Variants in KCNQ3 observed in about 807,000 individuals in gnomAD.
The protein encoded by KCNQ3 is potassium voltage-gated channel subfamily Q member 3.
Under a neutral mutation model 92.5 loss-of-function variants are expected in KCNQ3, and 30 were observed. The observed-to-expected ratio is 0.32, with a 90% confidence interval of 0.24 to 0.44. The LOEUF (loss-of-function observed/expected upper bound fraction) is 0.44. Ranked by LOEUF, KCNQ3 falls within the 20% of genes least tolerant of loss-of-function variation. KCNQ3 has a pLI of 1.00. For synonymous variants in KCNQ3, 450 were observed against 468.8 expected, an observed-to-expected ratio of 0.96 and a Z score of 0.52; for missense variants, 913 against 1,140.3, an observed-to-expected ratio of 0.80 and a Z score of 2.87.
chr8:132,131,189 C>A (rs941074526), intron 14 of KCNQ3, among the ~76,000 whole-genome samples: 2 of 152,186 alleles, frequency 1.3e-5, no homozygotes, highest in Admixed American at 1.3e-4. Flanking sequence ...AAACAAAATT[C>A]TTGATACAAC....
At chr8:132,387,942 TGAA>T (rs899399306) in intron 1 of KCNQ3, among the ~76,000 whole-genome samples, 12 of 139,240 alleles carry the variant, frequency 8.6e-5, no homozygotes, top group African/African-American at 1.9e-4. Flanking sequence ...CAAGACCCTG[TGAA>T]GAAGAAGGAG....
At chr8:132,440,426 C>T (rs753485564) in intron 1 of KCNQ3, among the ~76,000 whole-genome samples, 1 of 152,172 alleles carries the variant, frequency 6.6e-6, no homozygotes, top group Non-Finnish European at 1.5e-5. Context: ...CACACTAGAA[C>T]GCAGCCCTGA....
intron 1 of KCNQ3, among the ~76,000 whole-genome samples, chr8:132,299,474 G>T (rs190000100): frequency 1.3e-5 from 2 of 152,120 alleles, no homozygotes; most frequent in African/African-American, 2.4e-5. Flanking sequence ...TGAGACCCAC[G>T]GGGGATGTTT....
rs1274872011 is a variant in KCNQ3 at position 132,227,059 on chromosome 8, TC to T, written c.387-40879del. ...ATTAAGTACTTAAAACATATCTCAC[TC>T]TTTTTTTTTTTTTTTTTTTTAGATG... On this transcript the variant is annotated intron_variant, in intron 1 of 14. Transcript: ENST00000388996. Among the ~76,000 whole-genome samples, 513 of 88,446 alleles carry T rather than the reference TC, an allele frequency of 5.8e-3. 8 individuals are homozygous for T. Among genetic ancestry groups the T allele is most frequent in the African/African-American group, 0.02 (370 of 18,400 alleles). The allele number at this position is 88,446 out of a possible 152,430, so 58.0% of individuals were successfully genotyped here.
At chr8:132,452,146 A>G (rs55808349) in intron 1 of KCNQ3, among the ~76,000 whole-genome samples, 1 of 152,136 alleles carries the variant, frequency 6.6e-6, no homozygotes, top group Non-Finnish European at 1.5e-5. Flanking sequence ...AGTGGCATTA[A>G]CCACATTCGC....
chr8:132,374,242 C>T (rs1423357430), intron 1 of KCNQ3, among the ~76,000 whole-genome samples: 1 of 152,164 alleles, frequency 6.6e-6, no homozygotes, highest in African/African-American at 2.4e-5. Context: ...TTATAAAATG[C>T]AAAACCTACC....
intron 1 of KCNQ3, among the ~76,000 whole-genome samples, chr8:132,195,008 C>T (rs11984759): frequency 0.061 from 9,346 of 152,206 alleles, 377 homozygotes; most frequent in African/African-American, 0.096. Flanking sequence ...GATTACAACC[C>T]GTCCACTTCT....
chr8:132,209,672 A>G (rs1019513799), intron 1 of KCNQ3, among the ~76,000 whole-genome samples: 1 of 152,182 alleles, frequency 6.6e-6, no homozygotes, highest in African/African-American at 2.4e-5. Flanking sequence ...ACAGTATTCA[A>G]TAACTTGCAT....
intron 1 of KCNQ3, among the ~76,000 whole-genome samples, chr8:132,234,691 C>T (rs1157077221): frequency 6.6e-6 from 1 of 152,166 alleles, no homozygotes; most frequent in African/African-American, 2.4e-5. Context: ...AACTAAGGCT[C>T]AGACCAATTA....
intron 1 of KCNQ3, among the ~76,000 whole-genome samples, chr8:132,274,946 C>CGGGTGAA (rs1221914827): frequency 6.6e-6 from 1 of 151,988 alleles, no homozygotes; most frequent in Non-Finnish European, 1.5e-5. Context: ...CCAATCAGCT[C>CGGGTGAA]GGGTGAAGGG....
intron 1 of KCNQ3, among the ~76,000 whole-genome samples, chr8:132,266,871 T>C (rs182962032): frequency 2.0e-5 from 3 of 152,328 alleles, no homozygotes; most frequent in African/African-American, 4.8e-5. Context: ...AGATGAATAC[T>C]GGGTCTCTGA....
intron 1 of KCNQ3, among the ~76,000 whole-genome samples, chr8:132,240,053 C>T (rs953011237): frequency 1.3e-5 from 2 of 152,182 alleles, no homozygotes; most frequent in Non-Finnish European, 2.9e-5. Flanking sequence ...CAGCTTGCGT[C>T]TAATGCATCA....
At chr8:132,166,590 CTCAGGTTTTTCTCATAGAAAA>C (rs1386620966) in intron 8 of KCNQ3, among the ~76,000 whole-genome samples, 1 of 152,096 alleles carries the variant, frequency 6.6e-6, no homozygotes, top group Non-Finnish European at 1.5e-5. Flanking sequence ...TCTGGGGGCT[CTCAGGTTTTTCTCATAGAAAA>C]TTGGGTTTGG....
At chr8:132,473,471 T>C (rs891184079) in intron 1 of KCNQ3, among the ~76,000 whole-genome samples, 1 of 152,230 alleles carries the variant, frequency 6.6e-6, no homozygotes. Flanking sequence ...ATATGTTCCA[T>C]TAGGCAGAGA....
At chr8:132,177,601 T>G (rs187885901) in intron 4 of KCNQ3, among the ~76,000 whole-genome samples, 1 of 152,318 alleles carries the variant, frequency 6.6e-6, no homozygotes, top group East Asian at 1.9e-4. Flanking sequence ...TCTAGGTTTT[T>G]GTGCTGGGTG....
At chr8:132,449,443 C>T (rs1821770647) in intron 1 of KCNQ3, among the ~76,000 whole-genome samples, 2 of 152,032 alleles carry the variant, frequency 1.3e-5, no homozygotes, top group South Asian at 2.1e-4. Flanking sequence ...TCTCCAACTG[C>T]CTGCCCTCCA....
chr8:132,444,370 T>C (rs62520394), intron 1 of KCNQ3, among the ~76,000 whole-genome samples: 3,637 of 152,280 alleles, frequency 0.024, 68 homozygotes, highest in South Asian at 0.038. Context: ...ACTGGGGTCA[T>C]CTGTCCTGCC....
At chr8:132,470,489 T>C (rs1373124057) in intron 1 of KCNQ3, among the ~76,000 whole-genome samples, 2 of 152,256 alleles carry the variant, frequency 1.3e-5, no homozygotes, top group African/African-American at 2.4e-5. Flanking sequence ...TTATATTGTC[T>C]GTATATGTGC....
chr8:132,295,566 A>G lies in KCNQ3; in HGVS notation c.387-109385T>C, dbSNP rs559913667. Among the ~76,000 whole-genome samples, 3 of 152,386 alleles carry G rather than the reference A, an allele frequency of 2.0e-5. No homozygotes were observed. The East Asian group carries it at 5.8e-4, about 29-fold the overall frequency. On this transcript the variant is annotated intron_variant, in intron 1 of 14. Transcript: ENST00000388996. Reference sequence around the variant, plus strand: ...CCAAAGGAATATAAATCATTCTATTATAAAGATACATGCATGTGTATGTTC... The same window carrying G: ...CCAAAGGAATATAAATCATTCTATTGTAAAGATACATGCATGTGTATGTTC...
Sources: gnomAD v4.1 joint callset for allele counts (sites outside exome capture counted in the v4.1 genomes callset) on GRCh38, gnomAD v4.1.1 for gene constraint, MANE v1.5 for transcripts, NCBI Gene and HGNC (gene_info 2026-07-23, HGNC 2026-07-21) for gene names.